Variants in FGD4 observed in about 807,000 individuals in gnomAD.
FGD4 encodes the protein FYVE, RhoGEF and PH domain containing 4, also known as FYVE, RhoGEF and PH domain-containing protein 4.
In FGD4, 42 loss-of-function variants were observed where a neutral mutation model predicts 102.0. That is an observed-to-expected ratio of 0.41 (90% CI 0.32 to 0.53). The LOEUF (loss-of-function observed/expected upper bound fraction) is 0.53. Ranked by LOEUF, FGD4 falls within the 20% of genes least tolerant of loss-of-function variation. The pLI is 0.21. For synonymous variants in FGD4, 380 were observed against 375.7 expected, an observed-to-expected ratio of 1.01 and a Z score of -0.13; for missense variants, 902 against 1,078.2, an observed-to-expected ratio of 0.84 and a Z score of 2.29.
intron 1 of FGD4, among the ~76,000 whole-genome samples, chr12:32,542,754 T>TA (rs1263137760): frequency 2.0e-5 from 3 of 152,242 alleles, no homozygotes; most frequent in Non-Finnish European, 4.4e-5. Flanking sequence ...ATTTCATTGT[T>TA]ACAGAAGTTT....
chr12:32,472,203 C>G (rs1943431472), intron 1 of FGD4, among the ~76,000 whole-genome samples: 1 of 152,206 alleles, frequency 6.6e-6, no homozygotes, highest in Non-Finnish European at 1.5e-5. Context: ...TTTGAGGAGC[C>G]CTTCAGCCCC....
intron 1 of FGD4, among the ~76,000 whole-genome samples, chr12:32,422,530 C>T (rs946460798): frequency 1.3e-5 from 2 of 151,312 alleles, no homozygotes; most frequent in South Asian, 2.1e-4. Context: ...GATCTCCTGA[C>T]GTTGTGATCC....
chr12:32,403,252 G>A (rs1161632083), intron 1 of FGD4, among the ~76,000 whole-genome samples: 3 of 152,108 alleles, frequency 2.0e-5, no homozygotes, highest in Non-Finnish European at 4.4e-5. Context: ...AAATAATAAA[G>A]TGTACCAACT....
chr12:32,405,192 C>T (rs1344543423), intron 1 of FGD4, among the ~76,000 whole-genome samples: 4 of 151,248 alleles, frequency 2.6e-5, no homozygotes, highest in African/African-American at 9.7e-5. Context: ...CTCAGCCTCC[C>T]GAAGTGCTGG....
At chr12:32,456,257 C>T (rs1050032734) in intron 1 of FGD4, among the ~76,000 whole-genome samples, 1 of 152,068 alleles carries the variant, frequency 6.6e-6, no homozygotes, top group Admixed American at 6.6e-5. Flanking sequence ...ATAGTGTATA[C>T]TTTTGCTATG....
intron 1 of FGD4, among the ~76,000 whole-genome samples, chr12:32,500,042 A>G (rs568103564): frequency 1.3e-5 from 2 of 152,336 alleles, no homozygotes; most frequent in South Asian, 2.1e-4. Flanking sequence ...TATCATTGCA[A>G]ATGCATACTG....
At position 32,493,360 on chromosome 12, in the gene FGD4, C is replaced by T. The variant is rs181150311; in HGVS notation, c.167-70777C>T. ...TGCAGGGTCCTCATTGTTTCCCAGG[C>T]TGTCACGCCACTTTCCTTTGAGCCC... On this transcript the variant is annotated intron_variant, in intron 1 of 16. Coordinates refer to ENST00000534526, the MANE Select transcript of FGD4 (RefSeq NM_001370298.3). Among the ~76,000 whole-genome samples, 131 of 152,334 alleles carry T rather than the reference C, an allele frequency of 8.6e-4. 1 individual carries two copies. The highest frequency in any genetic ancestry group is 3.0e-3 in the African/African-American group (126 of 41,570).
chr12:32,569,832 G>A (rs1029479075), intron 2 of FGD4, among the ~76,000 whole-genome samples: 3 of 152,034 alleles, frequency 2.0e-5, no homozygotes, highest in Non-Finnish European at 2.9e-5. Context: ...AATTGTTCTA[G>A]GATATATATT....
At chr12:32,624,108 T>A (rs1218180304) in intron 11 of FGD4, among the ~76,000 whole-genome samples, 6 of 152,208 alleles carry the variant, frequency 3.9e-5, no homozygotes, top group Admixed American at 1.3e-4. Flanking sequence ...AGCTGTTGTA[T>A]ATTCAGTGTA....
At chr12:32,607,621 T>A (rs994511894) in intron 7 of FGD4, among the ~76,000 whole-genome samples, 37 of 152,176 alleles carry the variant, frequency 2.4e-4, no homozygotes, top group African/African-American at 8.7e-4. Context: ...GCAATTCTCC[T>A]GCCTCAGGCT....
At chr12:32,500,252 T>C (rs1322990902) in intron 1 of FGD4, among the ~76,000 whole-genome samples, 1 of 152,156 alleles carries the variant, frequency 6.6e-6, no homozygotes, top group African/African-American at 2.4e-5. Flanking sequence ...ACCTACTTCA[T>C]AGGCCCTGTG....
rs16920081 is a variant in FGD4, at chr12:32,601,728, C to G, written c.1247+305C>G. On this transcript the variant is annotated intron_variant, in intron 6 of 16. Transcript: ENST00000534526. ...GCTGCATTGTTTTCTATCAGCCTCA[C>G]AGTACGGTGAATGAGATAAAGCACA... Among the ~76,000 whole-genome samples, 4,459 of 152,280 alleles carry G rather than the reference C, an allele frequency of 0.029. 213 individuals carry two copies. The highest frequency in any genetic ancestry group is 0.1 in the African/African-American group (4,181 of 41,532).
chr12:32,468,385 C>T (rs1236885509), intron 1 of FGD4, among the ~76,000 whole-genome samples: 5 of 151,862 alleles, frequency 3.3e-5, no homozygotes, highest in African/African-American at 9.7e-5. Context: ...AATAGCTGAC[C>T]GACACAGGAA....
chr12:32,564,019 GAGGGA>G, intron 1 of FGD4, 113 bp from the exon 2 acceptor site: 1 of 714,414 alleles, frequency 1.4e-6, no homozygotes, highest in Non-Finnish European at 2.1e-6. Flanking sequence ...GGAAAGGGGA[GAGGGA>G]GAGGGAGGGG....
chr12:32,612,219 C>A (rs1207631436), intron 10 of FGD4, among the ~76,000 whole-genome samples: 1 of 152,256 alleles, frequency 6.6e-6, no homozygotes, highest in Non-Finnish European at 1.5e-5. Flanking sequence ...CCAGCCACAG[C>A]TTTGCAGGGA....
chr12:32,564,316 G>T (rs1945003323), intron 2 of FGD4, 27 bp downstream of exon 2: 4 of 1,533,518 alleles, frequency 2.6e-6, no homozygotes, highest in Non-Finnish European at 3.5e-6. Context: ...TTTGTGTTCG[G>T]GGTGGGTACG....
At chr12:32,442,897 GA>G (rs1347075208) in intron 1 of FGD4, among the ~76,000 whole-genome samples, 3 of 152,258 alleles carry the variant, frequency 2.0e-5, no homozygotes, top group Non-Finnish European at 4.4e-5. Flanking sequence ...GGTGTGAGAT[GA>G]TAGCTCATTG....
chr12:32,609,482 A>G (rs1949004628), intron 8 of FGD4, among the ~76,000 whole-genome samples: 1 of 152,074 alleles, frequency 6.6e-6, no homozygotes, highest in South Asian at 2.1e-4. Context: ...TCTATCCTGG[A>G]TCCTGTATCA....
intron 1 of FGD4, among the ~76,000 whole-genome samples, chr12:32,443,393 T>C (rs563044962): frequency 1.3e-5 from 2 of 152,204 alleles, no homozygotes; most frequent in South Asian, 2.1e-4. Flanking sequence ...TTCTGTCACC[T>C]GGGCTAGAGT....
Sources: gnomAD v4.1 joint callset for allele counts (sites outside exome capture counted in the v4.1 genomes callset) on GRCh38, gnomAD v4.1.1 for gene constraint, MANE v1.5 for transcripts, NCBI Gene and HGNC (gene_info 2026-07-23, HGNC 2026-07-21) for gene names.